Variants in GRIK2 observed in about 807,000 individuals in gnomAD.
GRIK2 encodes glutamate ionotropic receptor kainate type subunit 2, also known as glutamate receptor ionotropic, kainate 2.
In GRIK2, 32 loss-of-function variants were observed where a neutral mutation model predicts 100.3. The ratio of observed to expected loss-of-function variants is 0.32; its 90% confidence interval spans 0.24 to 0.43. The LOEUF (loss-of-function observed/expected upper bound fraction) is 0.43. Ranked by LOEUF, GRIK2 falls within the 20% of genes least tolerant of loss-of-function variation. GRIK2 has a pLI of 1.00. For missense variants in GRIK2, 843 were observed against 1,114.9 expected (o/e 0.76, Z 3.47); for synonymous variants, 417 against 389.4 (o/e 1.07, Z -0.83).
chr6:101,854,512 G>A (rs1005957520), intron 10 of GRIK2, among the ~76,000 whole-genome samples: 1 of 151,780 alleles, frequency 6.6e-6, no homozygotes, highest in Non-Finnish European at 1.5e-5. Context: ...CACCCACCTC[G>A]ACCTCCCAAA....
intron 9 of GRIK2, among the ~76,000 whole-genome samples, chr6:101,804,810 T>A (rs922365109): frequency 2.6e-5 from 4 of 151,982 alleles, no homozygotes; most frequent in Non-Finnish European, 4.4e-5. Flanking sequence ...CATGAACTCA[T>A]CAGCTAAAGG....
At chr6:102,031,515 T>C (rs1769998891) in intron 14 of GRIK2, among the ~76,000 whole-genome samples, 1 of 151,270 alleles carries the variant, frequency 6.6e-6, no homozygotes, top group South Asian at 2.1e-4. Flanking sequence ...TGCAGTTTTG[T>C]TACATGGGTA....
At chr6:101,607,249 G>A (rs1779476666) in intron 2 of GRIK2, among the ~76,000 whole-genome samples, 1 of 151,978 alleles carries the variant, frequency 6.6e-6, no homozygotes, top group Non-Finnish European at 1.5e-5. Context: ...TCCCCTGTGT[G>A]AAGCGTTATA....
At chr6:102,066,365 C>T (rs762641922) in intron 16 of GRIK2, among the ~76,000 whole-genome samples, 1 of 151,502 alleles carries the variant, frequency 6.6e-6, no homozygotes, top group African/African-American at 2.4e-5. Context: ...GCCGTGAGAA[C>T]TTGACCTCTG....
At chr6:101,588,662 G>A (rs200034767) in intron 2 of GRIK2, among the ~76,000 whole-genome samples, 3 of 146,218 alleles carry the variant, frequency 2.1e-5, no homozygotes, top group South Asian at 2.1e-4. Flanking sequence ...TGACACACAC[G>A]CACACGCACA....
chr6:101,797,607 TATAA>T (rs1780389183), intron 7 of GRIK2, among the ~76,000 whole-genome samples: 2 of 148,276 alleles, frequency 1.3e-5, no homozygotes, highest in East Asian at 1.9e-4. Flanking sequence ...CATATTACTC[TATAA>T]ATATATATTA....
At chr6:101,660,381 T>C (rs1769523224) in intron 4 of GRIK2, among the ~76,000 whole-genome samples, 1 of 152,198 alleles carries the variant, frequency 6.6e-6, no homozygotes, top group Non-Finnish European at 1.5e-5. Flanking sequence ...TCTAACCTTT[T>C]TTTAAGGTTC....
At chr6:101,544,942 G>C (rs993270458) in intron 2 of GRIK2, among the ~76,000 whole-genome samples, 1 of 152,132 alleles carries the variant, frequency 6.6e-6, no homozygotes. Context: ...AAATATAAAG[G>C]AGTTATTCTG....
chr6:101,884,978 T>A (rs1432067153), intron 11 of GRIK2, among the ~76,000 whole-genome samples: 1 of 152,118 alleles, frequency 6.6e-6, no homozygotes, highest in East Asian at 1.9e-4. Flanking sequence ...GTGTCTTTGT[T>A]AGATTTCCAG....
intron 2 of GRIK2, among the ~76,000 whole-genome samples, chr6:101,465,388 G>GT (rs904801412): frequency 6.6e-6 from 1 of 152,050 alleles, no homozygotes; most frequent in African/African-American, 2.4e-5. Flanking sequence ...CTGTTTCTGA[G>GT]TTTTTTCACT....
chr6:101,907,391 GA>G (rs10709450), intron 12 of GRIK2, among the ~76,000 whole-genome samples: 137,496 of 150,702 alleles, frequency 0.91, 62,789 homozygotes, highest in Middle Eastern at 0.96. Flanking sequence ...TGATTTAAAA[GA>G]AAAAAAAAAG....
intron 7 of GRIK2, among the ~76,000 whole-genome samples, chr6:101,766,838 T>C (rs1034357713): frequency 2.0e-5 from 3 of 152,228 alleles, no homozygotes; most frequent in African/African-American, 7.2e-5. Flanking sequence ...TTTATGATAC[T>C]ACTTGATTAA....
chr6:101,819,424 G>A (rs1222908020), intron 10 of GRIK2, among the ~76,000 whole-genome samples: 1 of 151,870 alleles, frequency 6.6e-6, no homozygotes, highest in Non-Finnish European at 1.5e-5. Context: ...AAATGAAGTA[G>A]CTTGGGTTAA....
chr6:101,836,720 C>A (rs547346946), intron 10 of GRIK2, among the ~76,000 whole-genome samples: 51 of 124,330 alleles, frequency 4.1e-4, no homozygotes, highest in Non-Finnish European at 4.9e-4. Flanking sequence ...GGCTGGAGTG[C>A]AGTGGTGTGA....
At chr6:101,397,894 G>A (rs542708376) in intron 1 of GRIK2, among the ~76,000 whole-genome samples, 1 of 151,888 alleles carries the variant, frequency 6.6e-6, no homozygotes, top group East Asian at 1.9e-4. Context: ...TATTATACAA[G>A]TTAGTTTTAC....
chr6:101,612,586 G>A (rs1384697040), intron 2 of GRIK2, among the ~76,000 whole-genome samples: 1 of 151,720 alleles, frequency 6.6e-6, no homozygotes, highest in Non-Finnish European at 1.5e-5. Context: ...AAGGGGTCTG[G>A]AACATTGAGC....
chr6:101,767,582 AT>A (rs1583107915), intron 7 of GRIK2, among the ~76,000 whole-genome samples: 1 of 152,124 alleles, frequency 6.6e-6, no homozygotes, highest in African/African-American at 2.4e-5. Context: ...ATATTCTTAG[AT>A]TTTTTTAAAG....
chr6:101,706,558 T>C (rs1773311010), intron 7 of GRIK2, among the ~76,000 whole-genome samples: 1 of 151,950 alleles, frequency 6.6e-6, no homozygotes, highest in Admixed American at 6.6e-5. Context: ...AACAGATTTA[T>C]TGGCAGATAT....
intron 4 of GRIK2, among the ~76,000 whole-genome samples, chr6:101,651,262 T>G (rs767162751): frequency 2.6e-5 from 4 of 152,184 alleles, no homozygotes; most frequent in Non-Finnish European, 5.9e-5. Context: ...CTGGCAGATA[T>G]TCTTTTTGTA....
Sources: gnomAD v4.1 joint callset for allele counts (sites outside exome capture counted in the v4.1 genomes callset) on GRCh38, gnomAD v4.1.1 for gene constraint, MANE v1.5 for transcripts, NCBI Gene and HGNC (gene_info 2026-07-23, HGNC 2026-07-21) for gene names.